Variants in C11orf52 observed in about 807,000 individuals in gnomAD.
C11orf52 encodes the protein uncharacterized protein C11orf52.
A neutral mutation model predicts 11.7 loss-of-function variants in C11orf52; 9 were observed. That is an observed-to-expected ratio of 0.77 (90% CI 0.46 to 1.34). The LOEUF is 1.34. Ranked by LOEUF, C11orf52 falls within the 40% of genes most tolerant of loss-of-function variation. The pLI is 0.00. For synonymous variants in C11orf52, 49 were observed against 57.4 expected, an observed-to-expected ratio of 0.85 and a Z score of 0.66; for missense variants, 139 against 154.8, an observed-to-expected ratio of 0.90 and a Z score of 0.54.
chr11:111,926,341 CGTCCCA>C lies in C11orf52; in HGVS notation c.*143_*148del, dbSNP rs1340359687. ...ACTCCAAAGCCCCTGGAATTGTGGG[CGTCCCA>C]TTTTCTCCCCTGGCCTCTTACTTGC... is the stretch of plus-strand genomic sequence containing the variant. On this transcript the variant is annotated 3_prime_UTR_variant, in exon 4 of 4. Transcript: ENST00000278601. The C allele has an allele frequency of 1.1e-5, 14 of 1,318,622 alleles. No homozygotes were observed. The highest frequency in any genetic ancestry group is 1.4e-5 in the Non-Finnish European group (14 of 972,268). 81.7% of individuals were successfully genotyped at this position (1,318,622 alleles called of 1,614,324 possible).
intron 3 of C11orf52, 74 bp downstream of exon 3, chr11:111,925,788 CA>C: frequency 6.3e-7 from 1 of 1,578,498 alleles, no homozygotes; most frequent in South Asian, 1.1e-5. Flanking sequence ...TTTTGCACTG[CA>C]ACAGACACAT....
chr11:111,923,936 G>A (rs182367991), intron 1 of C11orf52, among the ~76,000 whole-genome samples: 20 of 152,180 alleles, frequency 1.3e-4, no homozygotes, highest in East Asian at 5.8e-4. Context: ...AAAAAGCACT[G>A]AAGAAGAGGC....
intron 1 of C11orf52, among the ~76,000 whole-genome samples, chr11:111,920,396 G>A (rs1965672395): frequency 6.6e-6 from 1 of 151,882 alleles, no homozygotes; most frequent in African/African-American, 2.4e-5. Flanking sequence ...AAATTAGCCA[G>A]GCATGGTGGC....
chr11:111,925,017 G>C (rs1965763991), intron 2 of C11orf52, among the ~76,000 whole-genome samples: 1 of 152,102 alleles, frequency 6.6e-6, no homozygotes, highest in Non-Finnish European at 1.5e-5. Context: ...CCAGCTACTT[G>C]GGAGGCCAAG....
intron 3 of C11orf52, 87 bp from the exon 4 acceptor site, chr11:111,925,873 A>T: frequency 6.3e-7 from 1 of 1,594,028 alleles, no homozygotes; most frequent in Non-Finnish European, 8.6e-7. Flanking sequence ...AGCAAAGCGA[A>T]GGGACATCAG....
At chr11:111,922,054 A>G (rs1965709744) in intron 1 of C11orf52, among the ~76,000 whole-genome samples, 1 of 151,464 alleles carries the variant, frequency 6.6e-6, no homozygotes, top group East Asian at 1.9e-4. Context: ...CTGGTCTTGA[A>G]CTCCTGACCT....
At chr11:111,924,670 A>G (rs1169342603) in intron 2 of C11orf52, among the ~76,000 whole-genome samples, 1 of 152,358 alleles carries the variant, frequency 6.6e-6, no homozygotes, top group Non-Finnish European at 1.5e-5. Flanking sequence ...GCACAAGAGG[A>G]AAGACACATG....
Position 111,926,213 on chromosome 11 carries a change from AG to A in C11orf52, c.*16del, listed in dbSNP as rs1555166981. On this transcript the variant is annotated 3_prime_UTR_variant, in exon 4 of 4. Coordinates refer to ENST00000278601, the MANE Select transcript of C11orf52 (RefSeq NM_080659.3). ...ACCCTGGTGTGAGCGCTTGGGAGGA[AG>A]GCCCAGTCCATCGTTAACCACTACA... The A allele has an allele frequency of 3.1e-6, 5 of 1,612,586 alleles. No homozygotes were observed. In the South Asian group the frequency reaches 3.3e-5, roughly 11 times the overall value.
rs1166030794 is a variant in C11orf52, at chr11:111,926,442, G to A, written c.*243G>A. The A allele has an allele frequency of 1.7e-6, 1 of 581,936 alleles. No individual in the cohort carries two copies. The highest frequency in any genetic ancestry group is 3.0e-6 in the Non-Finnish European group (1 of 330,554). The allele number at this position is 581,936 out of a possible 1,614,324, so 36.0% of individuals were successfully genotyped here. A position where few individuals can be genotyped will look rare whatever the true frequency, so the allele number is the denominator to read the frequency against. The stretch of plus-strand genomic sequence containing the variant: ...AGCTAAACTTAGCTATCCACATGAG[G>A]TTAGGTGGAGTGTGCAGGGAGGTAG... On this transcript the variant is annotated 3_prime_UTR_variant, in exon 4 of 4. Transcript: ENST00000278601.
Position 111,925,513 on chromosome 11 carries a change from T to C in C11orf52, c.71-140T>C, listed in dbSNP as rs1592521668. On this transcript the variant is annotated intron_variant, in intron 2 of 3. Coordinates refer to ENST00000278601, the MANE Select transcript of C11orf52 (RefSeq NM_080659.3). ...CTAAGGAGTTTGGATTTAGCACTAG[T>C]AGACATGAAAGAAGTGAGAATGGAG... 9.7e-6 allele frequency: 8 copies of C among 826,306 alleles called. No individual in the cohort carries two copies. In the East Asian group the frequency reaches 1.1e-4, roughly 11 times the overall value. 51.2% of individuals were successfully genotyped at this position (826,306 alleles called of 1,614,324 possible).
intron 1 of C11orf52, among the ~76,000 whole-genome samples, chr11:111,921,806 TC>T (rs1965703628): frequency 6.6e-6 from 1 of 152,130 alleles, no homozygotes; most frequent in Non-Finnish European, 1.5e-5. Flanking sequence ...CTTACAATAA[TC>T]CCATGAGGTC....
intron 2 of C11orf52, 66 bp downstream of exon 2, chr11:111,924,429 C>A: frequency 7.4e-7 from 1 of 1,356,464 alleles, no homozygotes; most frequent in Non-Finnish European, 1.0e-6. Flanking sequence ...GAACTCCAAT[C>A]TTTGGAAAGG....
Position 111,926,354 on chromosome 11 carries a change from C to T in C11orf52, c.*155C>T. 2 of 1,154,922 alleles carry T rather than the reference C, an allele frequency of 1.7e-6. No individual in the cohort carries two copies. The highest frequency in any genetic ancestry group is 2.4e-6 in the Non-Finnish European group (2 of 830,788). The allele number at this position is 1,154,922 out of a possible 1,614,324, so 71.5% of individuals were successfully genotyped here. On this transcript the variant is annotated 3_prime_UTR_variant, in exon 4 of 4. Transcript: ENST00000278601. ...TGGAATTGTGGGCGTCCCATTTTCT[C>T]CCCTGGCCTCTTACTTGCCACTGTT...
At chr11:111,924,266 A>G in intron 1 of C11orf52, 60 bp from the exon 2 acceptor site, 4 of 1,518,924 alleles carry the variant, frequency 2.6e-6, no homozygotes, top group Non-Finnish European at 3.6e-6. Flanking sequence ...GCAAATGATG[A>G]TGGAGGGAAG....
chr11:111,926,011 T>C lies in C11orf52; in HGVS notation c.184T>C (p.Ser62Pro). Residue 62 changes from serine (S) to proline (P), a missense_variant, in exon 4 of 4, where the codon TCT becomes CCT. By Grantham distance (74) the Ser-to-Pro change is moderately conservative. Coordinates refer to ENST00000278601, the MANE Select transcript of C11orf52 (RefSeq NM_080659.3). ...TGAACGGGTGTTACAGCAGCAAGGG[T>C]CTCAAGAGAGGAGTCCAGGCCTCAT... Reference protein sequence around the residue: ...TYERVLQQQGSQERSPGLMSE... With the variant: ...TYERVLQQQGPQERSPGLMSE... 6.2e-7 allele frequency: 1 copy of C among 1,614,142 alleles called. No homozygotes were observed. Among genetic ancestry groups the C allele is most frequent in the South Asian group, 1.1e-5 (1 of 91,078 alleles).
chr11:111,926,231 A>G lies in C11orf52; in HGVS notation c.*32A>G. 1.2e-6 allele frequency: 2 copies of G among 1,608,176 alleles called. No individual in the cohort carries two copies. The highest frequency in any genetic ancestry group is 1.7e-6 in the Non-Finnish European group (2 of 1,176,048). On this transcript the variant is annotated 3_prime_UTR_variant, in exon 4 of 4. Transcript: ENST00000278601. ...GGGAGGAAGGCCCAGTCCATCGTTA[A>G]CCACTACACCTGTGGGGGAGAACCT...
Position 111,926,268 on chromosome 11 carries a change from GA to G in C11orf52, c.*71del. ...GTGGGGGAGAACCTACTGCTTTGGG[GA>G]ATTGGGTGGCAACCCAGGGATGTTG... On this transcript the variant is annotated 3_prime_UTR_variant, in exon 4 of 4. Coordinates refer to ENST00000278601, the MANE Select transcript of C11orf52 (RefSeq NM_080659.3). 4.4e-6 allele frequency: 7 copies of G among 1,584,884 alleles called. No individual in the cohort carries two copies. The highest frequency in any genetic ancestry group is 6.0e-6 in the Non-Finnish European group (7 of 1,162,220).
chr11:111,919,548 C>T (rs587720457), intron 1 of C11orf52, among the ~76,000 whole-genome samples: 3 of 152,278 alleles, frequency 2.0e-5, no homozygotes, highest in East Asian at 1.9e-4. Flanking sequence ...AATATTGAAC[C>T]GGCATTGTTT....
At position 111,926,567 on chromosome 11, in the gene C11orf52, A is replaced by G. The variant is rs59694554; in HGVS notation, c.*368A>G. ...ACGTGGGCTGATCTTGTTGGACTTT[A>G]ATTAATGGTATCCTTTTTCACACAC... On this transcript the variant is annotated 3_prime_UTR_variant, in exon 4 of 4. Coordinates refer to ENST00000278601, the MANE Select transcript of C11orf52 (RefSeq NM_080659.3). 1,822 of 261,812 alleles carry G rather than the reference A, an allele frequency of 7.0e-3. 25 individuals carry two copies. Among genetic ancestry groups the G allele is most frequent in the African/African-American group, 0.037 (1,674 of 45,770 alleles). 16.2% of individuals were successfully genotyped at this position (261,812 alleles called of 1,614,324 possible). A position where few individuals can be genotyped will look rare whatever the true frequency, so the allele number is the denominator to read the frequency against.
Sources: gnomAD v4.1 joint callset for allele counts (sites outside exome capture counted in the v4.1 genomes callset) on GRCh38, gnomAD v4.1.1 for gene constraint, MANE v1.5 for transcripts, NCBI Gene and HGNC (gene_info 2026-07-23, HGNC 2026-07-21) for gene names.